FAM210A: variants seen among roughly 807,000 people sequenced by gnomAD.
The protein encoded by FAM210A is family with sequence similarity 210 member A.
FAM210A carries 13 observed loss-of-function variants against 25.3 expected under a neutral mutation model. That is an observed-to-expected ratio of 0.51 (90% CI 0.33 to 0.82). The LOEUF is 0.82. FAM210A is among the 40% of genes least tolerant of loss of function. The pLI is 0.02. For missense variants in FAM210A, 319 were observed against 323.2 expected (o/e 0.99, Z 0.10); for synonymous variants, 125 against 118.7 (o/e 1.05, Z -0.35).
rs1390870897 is a variant in FAM210A at position 13,665,450 on chromosome 18, G to A, written c.*1030C>T. On this transcript the variant is annotated 3_prime_UTR_variant, in exon 4 of 4. Coordinates refer to ENST00000651643, the MANE Select transcript of FAM210A (RefSeq NM_152352.4). ...ACAAGGATATTTCCCTTCAATGTAA[G>A]ACAAAAAGCAGCAGCCACAATTTAA... 1.5e-5 allele frequency: 2 copies of A among 133,308 alleles called. No homozygotes were observed. The highest frequency in any genetic ancestry group is 3.3e-5 in the Non-Finnish European group (2 of 61,396). 8.3% of individuals were successfully genotyped at this position (133,308 alleles called of 1,614,324 possible).
At chr18:13,681,395 A>C (rs2149056591) in intron 2 of FAM210A, among the ~76,000 whole-genome samples, 2 of 152,314 alleles carry the variant, frequency 1.3e-5, no homozygotes, top group Middle Eastern at 6.8e-3. Context: ...GGGAGGATTA[A>C]ATAAGATGAA....
At chr18:13,689,440 C>T (rs553186399) in intron 1 of FAM210A, among the ~76,000 whole-genome samples, 14 of 152,274 alleles carry the variant, frequency 9.2e-5, no homozygotes, top group Non-Finnish European at 1.6e-4. Flanking sequence ...AACACCTATT[C>T]CCAACACCTA....
chr18:13,672,158 C>T (rs1394945366), intron 2 of FAM210A, among the ~76,000 whole-genome samples, 185 bp from the exon 3 acceptor site: 2 of 152,200 alleles, frequency 1.3e-5, no homozygotes, highest in Non-Finnish European at 2.9e-5. Flanking sequence ...ATGCAACATG[C>T]ACACAAACAT....
chr18:13,714,305 A>G (rs1323502464), intron 1 of FAM210A, among the ~76,000 whole-genome samples: 2 of 152,242 alleles, frequency 1.3e-5, no homozygotes, highest in Non-Finnish European at 2.9e-5. Context: ...TACAGTGGTC[A>G]GTTGAAGGCT....
At chr18:13,677,231 C>T (rs1043284678) in intron 2 of FAM210A, among the ~76,000 whole-genome samples, 3 of 152,112 alleles carry the variant, frequency 2.0e-5, no homozygotes, top group Non-Finnish European at 4.4e-5. Context: ...CCCGCCACCA[C>T]GCCCGGCTAA....
intron 1 of FAM210A, among the ~76,000 whole-genome samples, chr18:13,711,025 T>C (rs1456299229): frequency 1.3e-5 from 2 of 152,202 alleles, no homozygotes; most frequent in Non-Finnish European, 1.5e-5. Flanking sequence ...AGTAGGTCTT[T>C]ATGTGATGTT....
At chr18:13,711,253 C>G (rs1355801266) in intron 1 of FAM210A, among the ~76,000 whole-genome samples, 1 of 152,148 alleles carries the variant, frequency 6.6e-6, no homozygotes, top group Non-Finnish European at 1.5e-5. Context: ...TGCCTGTAAT[C>G]CCAGCTTCTT....
At chr18:13,693,682 C>T (rs139286545) in intron 1 of FAM210A, among the ~76,000 whole-genome samples, 18,063 of 152,180 alleles carry the variant, frequency 0.12, 1,299 homozygotes, top group Non-Finnish European at 0.17. Context: ...AGGCCTTTGA[C>T]AAAATTCAAC....
At chr18:13,690,421 G>A (rs573922718) in intron 1 of FAM210A, among the ~76,000 whole-genome samples, 10 of 152,310 alleles carry the variant, frequency 6.6e-5, no homozygotes, top group South Asian at 2.1e-4. Context: ...CTCCCAGCAC[G>A]GAGTTTGAGA....
At chr18:13,679,750 TA>T (rs2043534928) in intron 2 of FAM210A, among the ~76,000 whole-genome samples, 1 of 152,170 alleles carries the variant, frequency 6.6e-6, no homozygotes, top group African/African-American at 2.4e-5. Context: ...CATGTTTACA[TA>T]TAAGCATTCT....
At chr18:13,669,278 T>C (rs2149050692) in intron 3 of FAM210A, among the ~76,000 whole-genome samples, 1 of 152,298 alleles carries the variant, frequency 6.6e-6, no homozygotes, top group South Asian at 2.1e-4. Context: ...GTGATTTTGA[T>C]GGAACAGAGG....
intron 1 of FAM210A, among the ~76,000 whole-genome samples, chr18:13,707,889 C>T (rs545873708): frequency 3.3e-4 from 50 of 151,680 alleles, no homozygotes; most frequent in African/African-American, 1.2e-3. Flanking sequence ...TCCTGTACAT[C>T]ATTTCCCTTT....
In FAM210A at chr18:13,674,969, T is replaced by C. The variant is rs1479298246; in HGVS notation, c.474-2996A>G. On this transcript the variant is annotated intron_variant, in intron 2 of 3. Transcript: ENST00000651643. ...ATTTCCAGTTTCCTGATTATTAACA[T>C]TCCTGAGCCCTGGCTTCTTTATTTC... Among the ~76,000 whole-genome samples the C allele has an allele frequency of 2.0e-5, 3 of 148,550 alleles. No individual in the cohort carries two copies. In the Admixed American group the frequency reaches 2.0e-4, roughly 10 times the overall value.
intron 1 of FAM210A, chr18:13,715,356 C>T (rs1294870193): frequency 2.6e-5 from 4 of 152,226 alleles, no homozygotes; most frequent in African/African-American, 7.2e-5. Flanking sequence ...TTCCCACTAG[C>T]TGAGACTACA....
At chr18:13,711,818 G>A (rs1020596152) in intron 1 of FAM210A, among the ~76,000 whole-genome samples, 4 of 151,818 alleles carry the variant, frequency 2.6e-5, no homozygotes, top group African/African-American at 4.8e-5. Context: ...TTTGTATCTG[G>A]GACACAAAAG....
chr18:13,709,541 C>T (rs368111209), intron 1 of FAM210A, among the ~76,000 whole-genome samples: 1 of 152,224 alleles, frequency 6.6e-6, no homozygotes, highest in South Asian at 2.1e-4. Context: ...ACTATAGCAC[C>T]ACTCATTTCT....
chr18:13,711,022 C>T (rs1052594748), intron 1 of FAM210A, among the ~76,000 whole-genome samples: 11 of 152,208 alleles, frequency 7.2e-5, no homozygotes, highest in Admixed American at 2.0e-4. Context: ...GAAAGTAGGT[C>T]TTTATGTGAT....
At chr18:13,668,760 T>C (rs1358074755) in intron 3 of FAM210A, among the ~76,000 whole-genome samples, 5 of 152,182 alleles carry the variant, frequency 3.3e-5, no homozygotes. Flanking sequence ...CCGAACACAG[T>C]AGGCAATTAT....
At chr18:13,704,615 G>A (rs2043764396) in intron 1 of FAM210A, among the ~76,000 whole-genome samples, 1 of 152,128 alleles carries the variant, frequency 6.6e-6, no homozygotes, top group Admixed American at 6.6e-5. Context: ...ATACTACAGA[G>A]GGCCCCTGAA....
Sources: gnomAD v4.1 joint callset for allele counts (sites outside exome capture counted in the v4.1 genomes callset) on GRCh38, gnomAD v4.1.1 for gene constraint, MANE v1.5 for transcripts, NCBI Gene and HGNC (gene_info 2026-07-23, HGNC 2026-07-21) for gene names.